FBXO25: variants seen among roughly 807,000 people sequenced by gnomAD.
FBXO25 encodes F-box protein 25.
Under a neutral mutation model 51.9 loss-of-function variants are expected in FBXO25, and 45 were observed. The ratio of observed to expected loss-of-function variants is 0.87; its 90% CI spans 0.68 to 1.11. The LOEUF is 1.11. Ranked by LOEUF, FBXO25 falls within the 50% of genes most tolerant of loss-of-function variation. The pLI is 0.00. For missense variants in FBXO25, 507 were observed against 428.5 expected, an observed-to-expected ratio of 1.18 and a Z score of -1.62; for synonymous variants, 199 against 151.0, an observed-to-expected ratio of 1.32 and a Z score of -2.33.
At chr8:435,836 A>T (rs3873815) in intron 5 of FBXO25, 129 bp downstream of exon 5, 3 of 1,348,378 alleles carry the variant, frequency 2.2e-6, no homozygotes, top group Non-Finnish European at 3.0e-6. Flanking sequence ...CGTATTAATC[A>T]AAAAACAGAA....
At chr8:468,470 C>T (rs993642515) in intron 9 of FBXO25, among the ~76,000 whole-genome samples, 1 of 152,128 alleles carries the variant, frequency 6.6e-6, no homozygotes, top group African/African-American at 2.4e-5. Context: ...AGATTCGGCA[C>T]TGGAGGGCAG....
intron 7 of FBXO25, among the ~76,000 whole-genome samples, chr8:452,228 CA>C (rs1291419262): frequency 2.4e-4 from 36 of 152,302 alleles, no homozygotes; most frequent in African/African-American, 8.2e-4. Context: ...ATGGGATTTA[CA>C]AAAAGAGTGA....
chr8:431,265 A>AT (rs1340782819), intron 2 of FBXO25, 76 bp from the exon 3 acceptor site: 1 of 752,740 alleles, frequency 1.3e-6, no homozygotes, highest in African/African-American at 1.8e-5. Context: ...TGAAGTATTT[A>AT]TATCCTTTTA....
At chr8:458,660 CTTT>C (rs1347140827) in intron 8 of FBXO25, 109 bp downstream of exon 8, 2 of 1,030,492 alleles carry the variant, frequency 1.9e-6, no homozygotes, top group Admixed American at 5.5e-5. Flanking sequence ...GTATTTTCTA[CTTT>C]TAAAGAACCA....
chr8:435,679 A>G lies in FBXO25; in HGVS notation c.353A>G (p.Asp118Gly). 6.3e-7 allele frequency: 1 copy of G among 1,599,642 alleles called. No homozygotes were observed. The highest frequency in any genetic ancestry group is 8.5e-7 in the Non-Finnish European group (1 of 1,175,812). Residue 118 changes from aspartate to glycine, a missense_variant, in exon 5 of 10, where the codon GAT (aspartate) becomes GGT (glycine). Physicochemically the swap from Asp to Gly is moderately conservative, Grantham distance 94. Transcript: ENST00000350302. ...TTAGACTTCTCAAGTGCAATTCAAG[A>G]TATCCGAAGGTTCAATTATGTGGTC... is the stretch of plus-strand genomic sequence containing the variant. Reference protein sequence around the residue: ...NRLDFSSAIQDIRRFNYVVKL... With the variant: ...NRLDFSSAIQGIRRFNYVVKL...
chr8:443,887 G>A (rs554395771), intron 5 of FBXO25, among the ~76,000 whole-genome samples: 2 of 152,264 alleles, frequency 1.3e-5, no homozygotes, highest in Admixed American at 1.3e-4. Context: ...TGAGATCACT[G>A]AGGGCTGTGT....
chr8:432,701 T>G (rs1282785384), intron 3 of FBXO25, among the ~76,000 whole-genome samples, 185 bp from the exon 4 acceptor site: 1 of 152,212 alleles, frequency 6.6e-6, no homozygotes, highest in Non-Finnish European at 1.5e-5. Flanking sequence ...GAAATCATTG[T>G]TCATATCTTA....
At chr8:413,342 C>T (rs868329929) in intron 2 of FBXO25, 129 bp downstream of exon 2, 41 of 1,340,194 alleles carry the variant, frequency 3.1e-5, no homozygotes, top group Non-Finnish European at 3.9e-5. Flanking sequence ...TGTGAAGAGA[C>T]AAGTTGTTTA....
At chr8:430,659 C>A (rs1275875605) in intron 2 of FBXO25, among the ~76,000 whole-genome samples, 1 of 152,172 alleles carries the variant, frequency 6.6e-6, no homozygotes, top group South Asian at 2.1e-4. Context: ...AAAAATTTTA[C>A]ACAGCGTTAG....
chr8:436,971 A>G (rs1249176667), intron 5 of FBXO25, among the ~76,000 whole-genome samples: 1 of 152,026 alleles, frequency 6.6e-6, no homozygotes, highest in Non-Finnish European at 1.5e-5. Flanking sequence ...CTGACTCTGG[A>G]GAAGGTGCGA....
At chr8:427,658 G>C (rs568803169) in intron 2 of FBXO25, among the ~76,000 whole-genome samples, 14 of 148,212 alleles carry the variant, frequency 9.4e-5, no homozygotes, top group Non-Finnish European at 2.1e-4. Context: ...ACTCAGGGAA[G>C]TTGAGTTTAT....
rs1176778176 is a variant in FBXO25, at chr8:477,255, CTGT to C, written c.*8455_*8457del. The C allele has an allele frequency of 6.6e-6, 1 of 152,176 alleles. No homozygotes were observed. The highest frequency in any genetic ancestry group is 2.4e-5 in the African/African-American group (1 of 41,430). The allele number at this position is 152,176 out of a possible 1,614,324, so 9.4% of individuals were successfully genotyped here. A position where few individuals can be genotyped will look rare whatever the true frequency, so the allele number is the denominator to read the frequency against. On this transcript the variant is annotated 3_prime_UTR_variant, in exon 10 of 10. Coordinates refer to ENST00000350302, the MANE Select transcript of FBXO25 (RefSeq NM_183420.2). ...GCACTTGAGAAAAACGTGTGTACTGCTGTTGTGTCTGTTAGGTCCAGCTGGTAT... is the reference window on the plus strand; with the variant it reads ...GCACTTGAGAAAAACGTGTGTACTGCTGTGTCTGTTAGGTCCAGCTGGTAT...
chr8:416,839 C>G (rs1796833569), intron 2 of FBXO25, among the ~76,000 whole-genome samples: 1 of 152,322 alleles, frequency 6.6e-6, no homozygotes, highest in African/African-American at 2.4e-5. Context: ...AGCTTGCATT[C>G]TGGTGAAACA....
At chr8:419,024 G>C (rs1161030859) in intron 2 of FBXO25, among the ~76,000 whole-genome samples, 1 of 152,142 alleles carries the variant, frequency 6.6e-6, no homozygotes, top group East Asian at 1.9e-4. Flanking sequence ...AAAAAAAGAT[G>C]AACTTCATAT....
intron 9 of FBXO25, among the ~76,000 whole-genome samples, chr8:466,347 G>C (rs1408055546): frequency 3.3e-5 from 5 of 152,140 alleles, no homozygotes; most frequent in African/African-American, 1.2e-4. Flanking sequence ...GCCCCTCCTA[G>C]GGTCTTGGTT....
rs181066114 is a variant in FBXO25, at chr8:448,974, C to T, written c.382-1016C>T. Among the ~76,000 whole-genome samples, 18 of 152,190 alleles carry T rather than the reference C, an allele frequency of 1.2e-4. 1 individual carries two copies. Among genetic ancestry groups the T allele is most frequent in the African/African-American group, 4.3e-4 (18 of 41,538 alleles). On this transcript the variant is annotated intron_variant, in intron 5 of 9. Transcript: ENST00000350302. The stretch of plus-strand genomic sequence containing the variant: ...AATTTCAGAAGAACTACAGAGAGAA[C>T]GCAAAGTTTTTCAAAAAGCTACAAA...
chr8:428,346 A>G (rs1242386120), intron 2 of FBXO25, among the ~76,000 whole-genome samples: 4 of 151,582 alleles, frequency 2.6e-5, no homozygotes, highest in Admixed American at 6.6e-5. Flanking sequence ...GTTTATGGAA[A>G]CTCTGTGTTT....
intron 8 of FBXO25, among the ~76,000 whole-genome samples, chr8:461,654 A>T (rs1401849618): frequency 6.6e-6 from 1 of 151,986 alleles, no homozygotes; most frequent in Non-Finnish European, 1.5e-5. Flanking sequence ...AAACAAAACA[A>T]AACATGCCCT....
Position 458,442 on chromosome 8 carries a change from A to C in FBXO25, c.734A>C (p.Asp245Ala). 6.2e-7 allele frequency: 1 copy of C among 1,614,160 alleles called. No individual in the cohort carries two copies. The highest frequency in any genetic ancestry group is 8.5e-7 in the Non-Finnish European group (1 of 1,180,012). The change falls in exon 8 of 10, where the codon GAC (aspartate) becomes GCC (alanine). Residue 245 changes from aspartate (D) to alanine (A), a missense_variant. Transcript: ENST00000350302. ...AACAACATCCTATACCGGTTCTCAG[A>C]CGGATGGGACATCATCACCTTAGGC... ...MLNNILYRFS[D>A]GWDIITLGQV...
Sources: gnomAD v4.1 joint callset for allele counts (sites outside exome capture counted in the v4.1 genomes callset) on GRCh38, gnomAD v4.1.1 for gene constraint, MANE v1.5 for transcripts, NCBI Gene and HGNC (gene_info 2026-07-23, HGNC 2026-07-21) for gene names.